LMNTD1: variants seen among roughly 807,000 people sequenced by gnomAD.
LMNTD1 encodes lamin tail domain-containing protein 1.
Under a neutral mutation model 50.9 loss-of-function variants are expected in LMNTD1, and 35 were observed. That is an observed-to-expected ratio of 0.69 (90% CI 0.53 to 0.91). LMNTD1 has a LOEUF of 0.91. LMNTD1 is among the 40% of genes least tolerant of loss of function. LMNTD1 has a pLI of 0.00. For synonymous variants in LMNTD1, 153 were observed against 161.9 expected, an observed-to-expected ratio of 0.94 and a Z score of 0.42; for missense variants, 470 against 475.5, an observed-to-expected ratio of 0.99 and a Z score of 0.11.
In LMNTD1 at chr12:25,477,229, A is replaced by G. The variant is rs148058290; in HGVS notation, c.*23-769T>C. Among the ~76,000 whole-genome samples, 492 of 152,306 alleles carry G rather than the reference A, an allele frequency of 3.2e-3. 6 individuals carry two copies. The highest frequency in any genetic ancestry group is 0.028 in the East Asian group (145 of 5,178). The stretch of plus-strand genomic sequence containing the variant: ...GAAGAGAGAATAAGATGGTAAAGAC[A>G]TCTTGAAGGGAAATTGGGGCTGACA... On this transcript the variant is annotated intron_variant, in intron 9 of 9. Transcript: ENST00000458174.
chr12:25,567,750 T>C (rs1440383312), intron 1 of LMNTD1, among the ~76,000 whole-genome samples: 1 of 152,138 alleles, frequency 6.6e-6, no homozygotes, highest in Admixed American at 6.5e-5. Context: ...TCCACCATGA[T>C]TGTAAGTTCC....
At chr12:25,520,147 T>G (rs1179169471) in intron 6 of LMNTD1, 72 bp from the exon 7 acceptor site, 41 of 143,252 alleles carry the variant, frequency 2.9e-4, no homozygotes, top group Non-Finnish European at 4.9e-4. Context: ...GAGATATACA[T>G]ATATATATAT....
In LMNTD1 at chr12:25,585,718, T is replaced by C. The variant is rs116718563; in HGVS notation, c.59-39164A>G. On this transcript the variant is annotated intron_variant, in intron 1 of 7. Transcript: ENST00000445693. ...AGAGATGTGATGTCTAATTAGGAAA[T>C]TGTGTTTTACCTGACCTTTAAGTTT... Among the ~76,000 whole-genome samples the C allele has an allele frequency of 4.5e-3, 678 of 152,318 alleles. 5 individuals carry two copies. Among genetic ancestry groups the C allele is most frequent in the African/African-American group, 0.015 (611 of 41,580 alleles).
intron 4 of LMNTD1, among the ~76,000 whole-genome samples, chr12:25,527,640 C>CTATATATATATATATATATATATATA (rs61347000): frequency 3.2e-5 from 2 of 61,720 alleles, no homozygotes; most frequent in Non-Finnish European, 6.2e-5. Flanking sequence ...CTTAATAACA[C>CTATATATATATATATATATATATATA]TATATATATA....
chr12:25,528,636 G>C (rs748600210), intron 4 of LMNTD1, among the ~76,000 whole-genome samples: 28 of 152,166 alleles, frequency 1.8e-4, no homozygotes, highest in Non-Finnish European at 3.7e-4. Context: ...AGAGAGAATA[G>C]TGTATTTCCC....
chr12:25,619,153 C>A (rs1946407683), intron 1 of LMNTD1, among the ~76,000 whole-genome samples: 1 of 151,276 alleles, frequency 6.6e-6, no homozygotes, highest in African/African-American at 2.4e-5. Flanking sequence ...TGTACTTGTA[C>A]AGGAGTTTCT....
At chr12:25,572,011 T>C (rs946041565) in intron 1 of LMNTD1, among the ~76,000 whole-genome samples, 3 of 151,992 alleles carry the variant, frequency 2.0e-5, no homozygotes, top group Non-Finnish European at 4.4e-5. Context: ...AAGGTGGAGG[T>C]GGCATGAATG....
At chr12:25,578,113 A>G (rs148789808) in intron 1 of LMNTD1, among the ~76,000 whole-genome samples, 98 of 152,264 alleles carry the variant, frequency 6.4e-4, no homozygotes, top group African/African-American at 2.3e-3. Flanking sequence ...TCATCTAAGA[A>G]GACATTCTAT....
At chr12:25,563,672 T>G (rs1347999217) in intron 1 of LMNTD1, among the ~76,000 whole-genome samples, 1 of 152,238 alleles carries the variant, frequency 6.6e-6, no homozygotes, top group Non-Finnish European at 1.5e-5. Flanking sequence ...TCTTAAAAGC[T>G]GTCAGACAGG....
At chr12:25,645,038 A>G (rs1178586252) in intron 1 of LMNTD1, among the ~76,000 whole-genome samples, 1 of 152,174 alleles carries the variant, frequency 6.6e-6, no homozygotes, top group Non-Finnish European at 1.5e-5. Context: ...TCAAAGGGGA[A>G]CTTTATTAGG....
chr12:25,564,378 T>C (rs1101396), intron 1 of LMNTD1, among the ~76,000 whole-genome samples: 146,859 of 152,206 alleles, frequency 0.96, 71,084 homozygotes, highest in East Asian at 1. Context: ...CCTGCCTCAG[T>C]CTCCCAAGTA....
At chr12:25,524,930 T>C (rs1245874976) in intron 6 of LMNTD1, among the ~76,000 whole-genome samples, 1 of 152,134 alleles carries the variant, frequency 6.6e-6, no homozygotes, top group African/African-American at 2.4e-5. Flanking sequence ...AGAAAGACAG[T>C]AAATGGCTCT....
intron 9 of LMNTD1, among the ~76,000 whole-genome samples, chr12:25,482,880 G>A (rs558566470): frequency 6.6e-6 from 1 of 151,932 alleles, no homozygotes; most frequent in African/African-American, 2.4e-5. Flanking sequence ...TCACGGAAAA[G>A]AATGCTGTCG....
intron 8 of LMNTD1, among the ~76,000 whole-genome samples, chr12:25,512,330 T>G (rs1320229624): frequency 1.3e-5 from 2 of 152,140 alleles, no homozygotes; most frequent in South Asian, 2.1e-4. Context: ...AAAATATCCC[T>G]AGTTCATGGA....
intron 1 of LMNTD1, among the ~76,000 whole-genome samples, chr12:25,564,091 C>T (rs1944451153): frequency 2.0e-5 from 3 of 152,224 alleles, no homozygotes; most frequent in African/African-American, 2.4e-5. Context: ...CCTGACCCCT[C>T]GCGCTTCCCA....
intron 1 of LMNTD1, among the ~76,000 whole-genome samples, chr12:25,608,391 A>T (rs1272879198): frequency 6.6e-6 from 1 of 152,108 alleles, no homozygotes; most frequent in Non-Finnish European, 1.5e-5. Context: ...TTAGCTGGTT[A>T]TTTTGCCGGT....
At chr12:25,530,687 C>T (rs1942163057) in intron 4 of LMNTD1, among the ~76,000 whole-genome samples, 1 of 152,162 alleles carries the variant, frequency 6.6e-6, no homozygotes, top group African/African-American at 2.4e-5. Context: ...GACAAGTCCC[C>T]TCTCATTTTC....
At chr12:25,634,072 G>A (rs780554142) in intron 1 of LMNTD1, among the ~76,000 whole-genome samples, 1 of 152,064 alleles carries the variant, frequency 6.6e-6, no homozygotes, top group Non-Finnish European at 1.5e-5. Flanking sequence ...ACATAAACTA[G>A]AACACCCAGA....
At chr12:25,531,914 C>T (rs1302759658) in intron 4 of LMNTD1, among the ~76,000 whole-genome samples, 1 of 152,186 alleles carries the variant, frequency 6.6e-6, no homozygotes, top group South Asian at 2.1e-4. Flanking sequence ...AATGTTAAAC[C>T]CACCTACTGA....
Sources: gnomAD v4.1 joint callset for allele counts (sites outside exome capture counted in the v4.1 genomes callset) on GRCh38, gnomAD v4.1.1 for gene constraint, MANE v1.5 for transcripts, NCBI Gene and HGNC (gene_info 2026-07-23, HGNC 2026-07-21) for gene names.